DNAH5: variants seen among roughly 807,000 people sequenced by gnomAD.
The protein encoded by DNAH5 is dynein axonemal heavy chain 5, also known as axonemal beta dynein heavy chain 5.
A neutral mutation model predicts 518.2 loss-of-function variants in DNAH5; 372 were observed. That is an observed-to-expected ratio of 0.72 (90% CI 0.66 to 0.78). The LOEUF is 0.78. DNAH5 is among the 30% of genes least tolerant of loss of function. DNAH5 has a pLI of 0.00. For missense variants in DNAH5, 5,523 were observed against 5,687.0 expected, an observed-to-expected ratio of 0.97 and a Z score of 0.93; for synonymous variants, 2,039 against 2,025.9, an observed-to-expected ratio of 1.01 and a Z score of -0.17.
chr5:13,825,346 A>T (rs201871390), intron 38 of DNAH5, among the ~76,000 whole-genome samples: 2 of 150,508 alleles, frequency 1.3e-5, no homozygotes, highest in Admixed American at 6.6e-5. Context: ...TGTCTTGCAA[A>T]AAATAAATAA....
In DNAH5 at chr5:13,914,630, T is replaced by C; in HGVS notation, c.1210A>G (p.Ile404Val). 6.2e-7 allele frequency: 1 copy of C among 1,613,024 alleles called. No individual in the cohort carries two copies. The change falls in exon 10 of 79, where the codon ATT becomes GTT. Residue 404 changes from isoleucine to valine, a missense_variant. Transcript: ENST00000265104. ...TSLFVKVTNQ[I>V]ISACKAYITN... ...ATATAGGCTTTACATGCAGATATAA[T>C]CTGATTTGTCACCTGGGATTTTCCA...
intron 60 of DNAH5, among the ~76,000 whole-genome samples, chr5:13,760,052 T>G (rs530177753): frequency 6.6e-6 from 1 of 152,290 alleles, no homozygotes; most frequent in East Asian, 1.9e-4. Context: ...GTGGAACATT[T>G]TTTCCTCAGC....
Position 13,830,826 on chromosome 5 carries a change from C to T in DNAH5, c.5883-51G>A, listed in dbSNP as rs759695363. ...ACCAGCCCTCAGTCACCTGGAAATA[C>T]TTCTGAGACATCACAGTGGCATGAA... On this transcript the variant is annotated intron_variant, in intron 35 of 78. Transcript: ENST00000265104. The T allele has an allele frequency of 3.8e-6, 6 of 1,577,510 alleles. No individual in the cohort carries two copies. The African/African-American group carries it at 4.0e-5, about 11-fold the overall frequency.
chr5:13,957,046 G>A (rs1780806764), intron 1 of DNAH5, among the ~76,000 whole-genome samples: 2 of 152,236 alleles, frequency 1.3e-5, no homozygotes, highest in African/African-American at 4.8e-5. Context: ...TTCTTTTTAA[G>A]AAGAAATCCT....
At chr5:13,778,390 G>A (rs1754419586) in intron 53 of DNAH5, among the ~76,000 whole-genome samples, 1 of 147,856 alleles carries the variant, frequency 6.8e-6, no homozygotes, top group African/African-American at 2.5e-5. Context: ...AATACTTCTA[G>A]AAGACACCTA....
chr5:13,721,305 T>TA, intron 70 of DNAH5, 60 bp from the exon 71 acceptor site: 1 of 1,607,272 alleles, frequency 6.2e-7, no homozygotes, highest in Non-Finnish European at 8.5e-7. Context: ...GTAGATAATG[T>TA]AGTGTGGTTT....
chr5:13,967,018 C>T (rs1358891322), intron 1 of DNAH5, among the ~76,000 whole-genome samples: 1 of 152,090 alleles, frequency 6.6e-6, no homozygotes. Flanking sequence ...TGCACCACCA[C>T]ACCCGGATAA....
At chr5:13,767,050 G>GA (rs1312052211) in intron 58 of DNAH5, among the ~76,000 whole-genome samples, 1 of 151,982 alleles carries the variant, frequency 6.6e-6, no homozygotes, top group Non-Finnish European at 1.5e-5. Context: ...TGAGGACAAA[G>GA]AAAAAACACT....
At position 13,901,494 on chromosome 5, in the gene DNAH5, A is replaced by G. The variant is rs769275003; in HGVS notation, c.1810T>C (p.Ser604Pro). The G allele has an allele frequency of 4.5e-5, 73 of 1,613,678 alleles. No individual in the cohort carries two copies. The highest frequency in any genetic ancestry group is 1.6e-4 in the Middle Eastern group (1 of 6,082). The change falls in exon 14 of 79, where the codon TCA (serine) becomes CCA (proline). Residue 604 changes from serine (S) to proline (P), a missense_variant. Around this residue, in one of 3 missense-constraint regions of DNAH5, gnomAD observed 5,121 missense variants for 5,223.3 expected, o/e 0.98. Transcript: ENST00000265104. ...ENYGADIDMI[S>P]KLYTKQKYDP... ...TATTTCTGCTTTGTATACAGCTTTGAAATCATATCAATGTCAGCCCCATAG... is the reference window on the plus strand; with the variant it reads ...TATTTCTGCTTTGTATACAGCTTTGGAATCATATCAATGTCAGCCCCATAG...
intron 68 of DNAH5, among the ~76,000 whole-genome samples, chr5:13,733,127 C>T (rs1746847030): frequency 6.6e-6 from 1 of 152,144 alleles, no homozygotes; most frequent in Non-Finnish European, 1.5e-5. Flanking sequence ...TTTACATAAA[C>T]TGTGTAAATT....
intron 1 of DNAH5, among the ~76,000 whole-genome samples, chr5:13,994,457 C>T (rs1353514415): frequency 2.6e-5 from 4 of 152,296 alleles, no homozygotes; most frequent in Non-Finnish European, 5.9e-5. Flanking sequence ...TACAGTCTTA[C>T]CATGCAAAAT....
Position 13,922,091 on chromosome 5 carries a change from G to A in DNAH5, c.660+16C>T. The A allele has an allele frequency of 6.2e-7, 1 of 1,612,590 alleles. No homozygotes were observed. The highest frequency in any genetic ancestry group is 1.1e-5 in the South Asian group (1 of 91,002). On this transcript the variant is annotated intron_variant, in intron 5 of 78. Transcript: ENST00000265104. ...CCACCTGATCATTTTTAAAGGAACA[G>A]CTTATTCGTCCTCACCTTCTCCTTC... is the stretch of plus-strand genomic sequence containing the variant.
intron 1 of DNAH5, among the ~76,000 whole-genome samples, chr5:13,978,088 G>A (rs1024765054): frequency 3.9e-5 from 6 of 152,200 alleles, no homozygotes; most frequent in African/African-American, 1.2e-4. Flanking sequence ...CTATGGAGGG[G>A]AGAATATGGA....
At position 13,905,823 on chromosome 5, in the gene DNAH5, C is replaced by T. The variant is rs142900048; in HGVS notation, c.1645-3685G>A. ...TATATCCACAGAAAAATCTACACAC[C>T]GATGTTTATAGCAGCTTTATTCATA... On this transcript the variant is annotated intron_variant, in intron 12 of 78. Transcript: ENST00000265104. Among the ~76,000 whole-genome samples, 13 of 152,198 alleles carry T rather than the reference C, an allele frequency of 8.5e-5. No homozygotes were observed. The East Asian group carries it at 1.2e-3, about 14-fold the overall frequency.
intron 41 of DNAH5, among the ~76,000 whole-genome samples, chr5:13,819,448 T>C (rs1011587630): frequency 5.9e-5 from 9 of 152,096 alleles, no homozygotes; most frequent in African/African-American, 2.2e-4. Context: ...CTGGCAATCC[T>C]CAGCAACCAC....
chr5:13,737,616 C>T, intron 65 of DNAH5, 121 bp from the exon 66 acceptor site: 3 of 1,081,958 alleles, frequency 2.8e-6, no homozygotes, highest in East Asian at 5.1e-5. Flanking sequence ...TAATCAACTG[C>T]AGGAAATATG....
At chr5:13,981,986 T>C (rs1477533699) in intron 1 of DNAH5, among the ~76,000 whole-genome samples, 1 of 152,188 alleles carries the variant, frequency 6.6e-6, no homozygotes, top group Non-Finnish European at 1.5e-5. Flanking sequence ...ATTAAACCAA[T>C]AGGCTATAGA....
intron 14 of DNAH5, chr5:13,900,818 C>A: frequency 3.3e-6 from 1 of 303,398 alleles, no homozygotes; most frequent in Non-Finnish European, 6.2e-6. Flanking sequence ...GGAGACATCG[C>A]ATCCTGACAG....
At chr5:13,796,031 G>A (rs1580289924) in intron 47 of DNAH5, among the ~76,000 whole-genome samples, 1 of 152,092 alleles carries the variant, frequency 6.6e-6, no homozygotes, top group African/African-American at 2.4e-5. Flanking sequence ...AATAAACTAG[G>A]TATTGATGGA....
Sources: allele counts gnomAD v4.1 joint callset (sites outside exome capture counted in the v4.1 genomes callset), GRCh38; gene constraint gnomAD v4.1.1; regional missense constraint gnomAD v4.1.1; transcripts MANE v1.5; gene names NCBI Gene and HGNC (gene_info 2026-07-23, HGNC 2026-07-21).